GUCY2F: variants seen among roughly 807,000 people sequenced by gnomAD.
GUCY2F encodes retinal guanylyl cyclase 2.
A neutral mutation model predicts 73.1 loss-of-function variants in GUCY2F; 61 were observed. That is an observed-to-expected ratio of 0.83 (90% CI 0.68 to 1.03). The LOEUF is 1.03. Among genes scored for constraint, GUCY2F ranks in the 50% least tolerant of loss-of-function variants. GUCY2F has a pLI of 0.00. For missense variants in GUCY2F, 912 were observed against 854.3 expected (o/e 1.07, Z -0.84); for synonymous variants, 331 against 307.8 (o/e 1.08, Z -0.79).
At chrX:109,402,376 G>GT (rs35169476) in intron 10 of GUCY2F, among the ~76,000 whole-genome samples, 11,718 of 97,425 alleles carry the variant, frequency 0.12, 1,638 homozygotes, top group African/African-American at 0.39. Flanking sequence ...TAGGCGTTTT[G>GT]TTTTTTTTTT....
At chrX:109,446,922 T>C (rs888741666) in intron 6 of GUCY2F, among the ~76,000 whole-genome samples, 2 of 111,587 alleles carry the variant, frequency 1.8e-5, no homozygotes, top group Admixed American at 1.9e-4. Flanking sequence ...CTTAAACAAA[T>C]TTACAAGAAA....
intron 8 of GUCY2F, among the ~76,000 whole-genome samples, chrX:109,422,877 G>A (rs1033162308): frequency 3.6e-5 from 4 of 111,993 alleles, no homozygotes; most frequent in Non-Finnish European, 5.6e-5. Flanking sequence ...ATGTCCATCA[G>A]CAGGAAAATG....
At position 109,376,139 on chromosome X, in the gene GUCY2F, A is replaced by C; in HGVS notation, c.3179T>G (p.Leu1060Arg). The change falls in exon 18 of 20, where the codon CTG becomes CGG. Residue 1060 changes from leucine to arginine, a missense_variant. Transcript: ENST00000218006. The part of the protein sequence containing the change: ...KGKGTEETFW[L>R]IGKKGFMKPL... Reference sequence around the variant, plus strand: ...CTTCATGAAGCCTTTTTTCCCAATCAGCCAGAAGGTTTCCTCTGTGCCTTT... The same window carrying C: ...CTTCATGAAGCCTTTTTTCCCAATCCGCCAGAAGGTTTCCTCTGTGCCTTT... 8.3e-7 allele frequency: 1 copy of C among 1,201,292 alleles called. No individual in the cohort carries two copies. The highest frequency in any genetic ancestry group is 3.0e-5 in the East Asian group (1 of 33,798).
chrX:109,464,731 T>A (rs1603385669), intron 3 of GUCY2F, among the ~76,000 whole-genome samples: 1 of 112,596 alleles, frequency 8.9e-6, no homozygotes, highest in East Asian at 2.8e-4. Context: ...AGCCGCATCC[T>A]CCAATACCAG....
intron 15 of GUCY2F, among the ~76,000 whole-genome samples, chrX:109,386,923 A>G (rs1368974864): frequency 8.9e-6 from 1 of 112,119 alleles, no homozygotes; most frequent in Non-Finnish European, 1.9e-5. Context: ...AAACTGAAGC[A>G]CAAATGACAG....
At chrX:109,378,066 C>G (rs1411098353) in intron 17 of GUCY2F, among the ~76,000 whole-genome samples, 5 of 111,272 alleles carry the variant, frequency 4.5e-5, no homozygotes, top group African/African-American at 1.6e-4. Context: ...ACTCTTTGAC[C>G]CAATATCAAT....
chrX:109,402,661 T>C (rs779837761), intron 10 of GUCY2F, among the ~76,000 whole-genome samples: 1 of 111,819 alleles, frequency 8.9e-6, no homozygotes, highest in African/African-American at 3.3e-5. Context: ...GAATTGATTT[T>C]GACAAAATAC....
intron 10 of GUCY2F, among the ~76,000 whole-genome samples, chrX:109,401,774 G>A (rs1930845741): frequency 9.0e-6 from 1 of 111,001 alleles, no homozygotes; most frequent in South Asian, 3.9e-4. Context: ...TGAGGCAGTG[G>A]TACTTAAGTT....
chrX:109,430,906 G>A (rs915907482), intron 7 of GUCY2F, among the ~76,000 whole-genome samples: 6 of 111,008 alleles, frequency 5.4e-5, no homozygotes, highest in African/African-American at 1.6e-4. Flanking sequence ...TGTATGGAGG[G>A]GGGGCTGTCT....
chrX:109,425,606 T>G (rs1368876378), intron 8 of GUCY2F, among the ~76,000 whole-genome samples: 4 of 105,786 alleles, frequency 3.8e-5, no homozygotes, highest in African/African-American at 1.4e-4. Flanking sequence ...GTTATGAGGA[T>G]GCAAAGGCAT....
intron 6 of GUCY2F, among the ~76,000 whole-genome samples, chrX:109,446,809 AAAAGAAAC>A (rs1932021467): frequency 8.9e-6 from 1 of 112,220 alleles, no homozygotes; most frequent in Admixed American, 9.4e-5. Context: ...TCTGCACAGC[AAAAGAAAC>A]TACCATCAGA....
Position 109,475,684 on chromosome X carries a change from G to C in GUCY2F, c.253C>G (p.Arg85Gly). ...TAACTCAGGTCAAAAGATGGGTCCC[G>C]GTTGATTCGCTCAATGGCTAATCGC... Reference protein sequence around the residue: ...AARLAIERINRDPSFDLSYSF... With the variant: ...AARLAIERINGDPSFDLSYSF... Residue 85 changes from arginine to glycine, a missense_variant, in exon 2 of 20, where the codon CGG becomes GGG. Arg to Gly is a moderately radical substitution (Grantham distance 125). Coordinates refer to ENST00000218006, the MANE Select transcript of GUCY2F (RefSeq NM_001522.3). 8.3e-7 allele frequency: 1 copy of C among 1,211,173 alleles called. No individual in the cohort carries two copies. Among genetic ancestry groups the C allele is most frequent in the Non-Finnish European group, 1.1e-6 (1 of 895,094 alleles).
chrX:109,391,053 G>A (rs1463379973), intron 14 of GUCY2F, among the ~76,000 whole-genome samples: 1 of 112,438 alleles, frequency 8.9e-6, no homozygotes, highest in Non-Finnish European at 1.9e-5. Flanking sequence ...CAGAGAAGCT[G>A]TCTAAAGTTT....
chrX:109,457,402 G>A (rs1296751435), intron 3 of GUCY2F, among the ~76,000 whole-genome samples: 2 of 111,764 alleles, frequency 1.8e-5, no homozygotes, highest in African/African-American at 6.5e-5. Context: ...ATCACTTGAA[G>A]GACAAAATGG....
intron 1 of GUCY2F, among the ~76,000 whole-genome samples, chrX:109,479,285 T>A (rs1236508030): frequency 2.7e-5 from 3 of 112,437 alleles, no homozygotes; most frequent in Non-Finnish European, 5.6e-5. Context: ...AAATTTAATT[T>A]AATCATTTTG....
intron 3 of GUCY2F, among the ~76,000 whole-genome samples, chrX:109,463,433 CTTTTT>C (rs755756631): frequency 1.2e-5 from 1 of 84,000 alleles, no homozygotes; most frequent in Admixed American, 1.3e-4. Context: ...TTTCCTCACT[CTTTTT>C]TTTTTTTTTT....
intron 1 of GUCY2F, among the ~76,000 whole-genome samples, chrX:109,476,767 TAGATAGAC>T (rs201281200): frequency 0.022 from 2,367 of 105,320 alleles, 82 homozygotes; most frequent in African/African-American, 0.08. Context: ...GATAGATAGA[TAGATAGAC>T]AGACTATATA....
intron 10 of GUCY2F, among the ~76,000 whole-genome samples, chrX:109,402,536 CTAA>C (rs1188377773): frequency 1.8e-5 from 2 of 110,878 alleles, no homozygotes; most frequent in African/African-American, 6.6e-5. Context: ...CCACGCCCAG[CTAA>C]TTTTTGTATT....
intron 3 of GUCY2F, among the ~76,000 whole-genome samples, chrX:109,461,404 T>C (rs2147280433): frequency 8.9e-6 from 1 of 112,726 alleles, no homozygotes; most frequent in African/African-American, 3.2e-5. Context: ...TTTCATTTTT[T>C]ACTTGTTAAA....
Sources: gnomAD v4.1 joint callset for allele counts (sites outside exome capture counted in the v4.1 genomes callset) on GRCh38, gnomAD v4.1.1 for gene constraint, MANE v1.5 for transcripts, NCBI Gene and HGNC (gene_info 2026-07-23, HGNC 2026-07-21) for gene names.